The following CCDC148 variants were observed in gnomAD, a reference collection of about 807,000 sequenced individuals.
The protein encoded by CCDC148 is coiled-coil domain-containing protein 148.
A neutral mutation model predicts 85.7 loss-of-function variants in CCDC148; 89 were observed. The observed-to-expected ratio is 1.04, with a 90% CI of 0.87 to 1.24. The LOEUF (loss-of-function observed/expected upper bound fraction) is 1.24. Ranked by LOEUF, CCDC148 falls within the 50% of genes most tolerant of loss-of-function variation. The pLI, the probability that CCDC148 is intolerant of heterozygous loss-of-function variation, is 0.00. For synonymous variants in CCDC148, 230 were observed against 213.9 expected (o/e 1.08, Z -0.66); for missense variants, 692 against 671.7 (o/e 1.03, Z -0.33).
intron 1 of CCDC148, among the ~76,000 whole-genome samples, chr2:158,424,574 G>C (rs1328884048): frequency 6.6e-6 from 1 of 151,988 alleles, no homozygotes; most frequent in African/African-American, 2.4e-5. Flanking sequence ...TCATGGGGTG[G>C]GGGGAGTGGG....
chr2:158,276,303 A>T (rs755008420), intron 9 of CCDC148, among the ~76,000 whole-genome samples: 10 of 152,146 alleles, frequency 6.6e-5, no homozygotes, highest in South Asian at 2.1e-4. Flanking sequence ...GCCTGGTGGC[A>T]TGCACCTGTA....
intron 1 of CCDC148, among the ~76,000 whole-genome samples, chr2:158,391,236 C>G (rs556778915): frequency 1.4e-4 from 21 of 152,222 alleles, no homozygotes; most frequent in Middle Eastern, 3.4e-3. Flanking sequence ...GGCTGCAACT[C>G]TTTCCCAATA....
chr2:158,265,778 T>C (rs1435029267), intron 9 of CCDC148, among the ~76,000 whole-genome samples: 1 of 152,090 alleles, frequency 6.6e-6, no homozygotes, highest in African/African-American at 2.4e-5. Context: ...CCAACATATC[T>C]CCAAAAGCAG....
chr2:158,314,228 T>C (rs1692177476), intron 7 of CCDC148, among the ~76,000 whole-genome samples: 1 of 152,164 alleles, frequency 6.6e-6, no homozygotes, highest in South Asian at 2.1e-4. Flanking sequence ...GGAAAATAAT[T>C]ATATATACAG....
chr2:158,430,507 T>G (rs967877714), intron 1 of CCDC148, among the ~76,000 whole-genome samples: 13 of 152,266 alleles, frequency 8.5e-5, no homozygotes, highest in African/African-American at 2.9e-4. Context: ...TAGTGATGGG[T>G]ACAAATATAC....
At position 158,384,958 on chromosome 2, in the gene CCDC148, C is replaced by T. The variant is rs540503471; in HGVS notation, c.26-26388G>A. ...AGAACCTTAAGGGAAAACCCATTTG[C>T]CAGCTCATTCTTATTGTCAGTCAAA... is the stretch of plus-strand genomic sequence containing the variant. On this transcript the variant is annotated intron_variant, in intron 1 of 13. Coordinates refer to ENST00000283233, the MANE Select transcript of CCDC148 (RefSeq NM_138803.4). Among the ~76,000 whole-genome samples the T allele has an allele frequency of 3.3e-4, 50 of 152,140 alleles. 1 individual carries two copies. The highest frequency in any genetic ancestry group is 1.8e-3 in the Admixed American group (28 of 15,256).
intron 11 of CCDC148, among the ~76,000 whole-genome samples, chr2:158,207,137 C>T (rs972785468): frequency 9.2e-5 from 14 of 152,124 alleles, no homozygotes; most frequent in Non-Finnish European, 1.6e-4. Context: ...TCCATAGTAT[C>T]GCACAAGACA....
intron 7 of CCDC148, among the ~76,000 whole-genome samples, chr2:158,324,070 C>T (rs1692648276): frequency 6.6e-6 from 1 of 151,636 alleles, no homozygotes; most frequent in East Asian, 1.9e-4. Context: ...GCATGCACCA[C>T]TACTGCCCAG....
chr2:158,335,143 G>A (rs1429526574), intron 7 of CCDC148, among the ~76,000 whole-genome samples: 2 of 152,126 alleles, frequency 1.3e-5, no homozygotes, highest in Non-Finnish European at 2.9e-5. Context: ...GGACTCCTGA[G>A]GCCCTGCCCT....
At chr2:158,252,554 C>T (rs996128152) in intron 9 of CCDC148, among the ~76,000 whole-genome samples, 1 of 151,748 alleles carries the variant, frequency 6.6e-6, no homozygotes, top group Non-Finnish European at 1.5e-5. Flanking sequence ...GTTCTCCATT[C>T]CTTGACCTCA....
chr2:158,395,372 T>C (rs2602177), intron 1 of CCDC148, among the ~76,000 whole-genome samples: 14,682 of 152,098 alleles, frequency 0.097, 781 homozygotes, highest in African/African-American at 0.14. Context: ...CCAGGGAAAT[T>C]CCTATTATCT....
chr2:158,186,595 T>C (rs1426469699), intron 11 of CCDC148, among the ~76,000 whole-genome samples: 1 of 152,094 alleles, frequency 6.6e-6, no homozygotes, highest in African/African-American at 2.4e-5. Flanking sequence ...TATAAATTTA[T>C]TCAAATCGGG....
chr2:158,226,528 C>T (rs112349335), intron 10 of CCDC148, among the ~76,000 whole-genome samples: 103,793 of 152,030 alleles, frequency 0.68, 36,217 homozygotes, highest in East Asian at 0.9. Context: ...ACCAATATCC[C>T]TGATGAACAT....
chr2:158,193,196 C>T (rs1224909224), intron 11 of CCDC148, among the ~76,000 whole-genome samples: 2 of 152,090 alleles, frequency 1.3e-5, no homozygotes, highest in Admixed American at 1.3e-4. Flanking sequence ...ATAATTGTAT[C>T]AGTTTAGCCA....
At chr2:158,187,259 C>G (rs1685198161) in intron 11 of CCDC148, among the ~76,000 whole-genome samples, 1 of 151,934 alleles carries the variant, frequency 6.6e-6, no homozygotes, top group South Asian at 2.1e-4. Context: ...CTGCTAGGAT[C>G]TTGCTCCAGA....
At chr2:158,278,195 T>A (rs2685647) in intron 9 of CCDC148, among the ~76,000 whole-genome samples, 2 of 151,794 alleles carry the variant, frequency 1.3e-5, no homozygotes, top group Non-Finnish European at 1.5e-5. Context: ...CCAGTGTGAG[T>A]GACGCAGAAG....
chr2:158,223,009 C>T (rs1215705538), intron 10 of CCDC148, among the ~76,000 whole-genome samples: 1 of 152,156 alleles, frequency 6.6e-6, no homozygotes, highest in Admixed American at 6.5e-5. Context: ...TGAGCCGAAG[C>T]AGCGTGAGGC....
intron 1 of CCDC148, among the ~76,000 whole-genome samples, chr2:158,391,299 C>T (rs887455671): frequency 1.3e-5 from 2 of 152,110 alleles, no homozygotes; most frequent in Admixed American, 6.6e-5. Context: ...TTATCATGAA[C>T]ATTTAATTAA....
chr2:158,353,310 GTGTGC>G (rs1263065045), intron 2 of CCDC148, among the ~76,000 whole-genome samples: 4 of 145,330 alleles, frequency 2.8e-5, no homozygotes, highest in African/African-American at 1.0e-4. Context: ...AGACCCATCA[GTGTGC>G]TGTATTCAGG....
Sources: gnomAD v4.1 joint callset for allele counts (sites outside exome capture counted in the v4.1 genomes callset) on GRCh38, gnomAD v4.1.1 for gene constraint, MANE v1.5 for transcripts, NCBI Gene and HGNC (gene_info 2026-07-23, HGNC 2026-07-21) for gene names.